Variants in ZNF705A observed in about 807,000 individuals in gnomAD.
The protein encoded by ZNF705A is zinc finger protein 705A.
In ZNF705A, 8 loss-of-function variants were observed where a neutral mutation model predicts 16.6. The observed-to-expected ratio is 0.48, with a 90% CI of 0.28 to 0.87. The LOEUF (loss-of-function observed/expected upper bound fraction) is 0.87. Among genes scored for constraint, ZNF705A ranks in the 40% least tolerant of loss-of-function variants. The pLI is 0.10. For missense variants in ZNF705A, 233 were observed against 359.9 expected (o/e 0.65, Z 2.85); for synonymous variants, 73 against 117.3 (o/e 0.62, Z 2.44).
intron 1 of ZNF705A, among the ~76,000 whole-genome samples, chr12:8,161,264 CT>C (rs1229493383): frequency 6.6e-6 from 1 of 151,924 alleles, no homozygotes; most frequent in Non-Finnish European, 1.5e-5. Context: ...CTGTAGTTTT[CT>C]TTTTTGGTTA....
chr12:8,176,074 A>G, intron 4 of ZNF705A, 132 bp downstream of exon 5: 1 of 1,390,244 alleles, frequency 7.2e-7, no homozygotes, highest in South Asian at 1.3e-5. Flanking sequence ...AAAAAATTGA[A>G]TACTTTGAAT....
upstream of ZNF705A, among the ~76,000 whole-genome samples, chr12:8,169,147 T>C (rs1055741186): frequency 1.3e-5 from 2 of 152,260 alleles, no homozygotes; most frequent in African/African-American, 4.8e-5. Context: ...TTCCTTTTTT[T>C]AAAATGTGAG....
At chr12:8,161,775 TTA>T (rs1290239024) in intron 1 of ZNF705A, among the ~76,000 whole-genome samples, 2 of 152,178 alleles carry the variant, frequency 1.3e-5, no homozygotes, top group African/African-American at 4.8e-5. Flanking sequence ...TTAGGAGTAC[TTA>T]CCCAAAAGCA....
upstream of ZNF705A, among the ~76,000 whole-genome samples, chr12:8,172,032 C>A (rs1355945400): frequency 1.3e-5 from 2 of 152,156 alleles, no homozygotes; most frequent in Non-Finnish European, 2.9e-5. Context: ...CCGCCACACT[C>A]GACCCTAAAA....
At chr12:8,174,473 G>A (rs778399887) in intron 2 of ZNF705A, 21 bp downstream of exon 3, 30 of 1,592,088 alleles carry the variant, frequency 1.9e-5, no homozygotes, top group South Asian at 6.6e-5. Context: ...CAACATTCAC[G>A]TACATATGTA....
upstream of ZNF705A, among the ~76,000 whole-genome samples, chr12:8,172,241 G>A (rs966294576): frequency 4.0e-5 from 6 of 151,482 alleles, no homozygotes; most frequent in Non-Finnish European, 8.8e-5. Context: ...CATGTGGATG[G>A]AGTCAGGGAT....
chr12:8,162,936 T>C (rs1565413537), intron 1 of ZNF705A, among the ~76,000 whole-genome samples: 1 of 152,194 alleles, frequency 6.6e-6, no homozygotes, highest in African/African-American at 2.4e-5. Context: ...AGTGAATGTA[T>C]ATTTGCCTCA....
exon 5 of ZNF705A, chr12:8,177,262 C>T: frequency 1.9e-6 from 3 of 1,611,766 alleles, no homozygotes; most frequent in Non-Finnish European, 2.5e-6. Flanking sequence ...AGATGACTCA[C>T]ACTGGAGAGA....
chr12:8,166,911 C>T (rs1413336861), intron 1 of ZNF705A, among the ~76,000 whole-genome samples: 3 of 152,128 alleles, frequency 2.0e-5, no homozygotes, highest in Non-Finnish European at 2.9e-5. Context: ...TCTGAAATGT[C>T]TTTGAGGCCC....
rs1948487423 is a variant in ZNF705A at position 8,176,861 on chromosome 12, C to T, written c.319-138C>T. On this transcript the variant is annotated intron_variant, in intron 4 of 4. Coordinates refer to ENST00000359286, the Ensembl canonical transcript of ZNF705A. ...AGTTTGGGGTCCCAAAATTTAATTT[C>T]CTTTCACACAAGAAACATTGGAAAG... The T allele has an allele frequency of 1.8e-5, 24 of 1,351,010 alleles. No homozygotes were observed. In the South Asian group the frequency reaches 3.0e-4, roughly 17 times the overall value. The allele number at this position is 1,351,010 out of a possible 1,614,324, so 83.7% of individuals were successfully genotyped here. A position where few individuals can be genotyped will look rare whatever the true frequency, so the allele number is the denominator to read the frequency against.
At chr12:8,168,604 A>T (rs182914179), upstream of ZNF705A, among the ~76,000 whole-genome samples, 5 of 152,366 alleles carry the variant, frequency 3.3e-5, no homozygotes, top group East Asian at 9.6e-4. Flanking sequence ...TAAATTAATT[A>T]TAATTAAATA....
chr12:8,163,584 A>G (rs1160215930), intron 1 of ZNF705A, among the ~76,000 whole-genome samples: 1 of 152,226 alleles, frequency 6.6e-6, no homozygotes, highest in African/African-American at 2.4e-5. Flanking sequence ...TTTCCTACTC[A>G]TAAAGGAGCA....
At chr12:8,170,889 T>C (rs1017660576), upstream of ZNF705A, among the ~76,000 whole-genome samples, 22 of 152,186 alleles carry the variant, frequency 1.4e-4, 1 homozygote, top group Admixed American at 1.2e-3. Flanking sequence ...GTGCATTAAA[T>C]GTGGCAGTAA....
intron 1 of ZNF705A, among the ~76,000 whole-genome samples, chr12:8,173,770 G>A (rs937777217): frequency 3.3e-5 from 5 of 152,174 alleles, no homozygotes; most frequent in Non-Finnish European, 7.4e-5. Flanking sequence ...AATGAATAAG[G>A]GATCAATGAC....
chr12:8,163,864 A>T (rs1948377603), intron 1 of ZNF705A, among the ~76,000 whole-genome samples: 1 of 152,178 alleles, frequency 6.6e-6, no homozygotes, highest in South Asian at 2.1e-4. Flanking sequence ...ACAAGGGAAC[A>T]TCTACCCCTC....
intron 1 of ZNF705A, among the ~76,000 whole-genome samples, chr12:8,158,702 TAAATATGCC>T (rs1948328466): frequency 6.6e-6 from 1 of 152,192 alleles, no homozygotes; most frequent in Admixed American, 6.6e-5. Context: ...TGTATCTTTA[TAAATATGCC>T]AAACATCTGA....
chr12:8,168,320 G>A (rs1202063754), upstream of ZNF705A, among the ~76,000 whole-genome samples: 11 of 152,304 alleles, frequency 7.2e-5, no homozygotes, highest in East Asian at 1.7e-3. Context: ...CTAGTGGGTA[G>A]GGGAAGAGCC....
chr12:8,167,929 G>A (rs1010073436), upstream of ZNF705A, among the ~76,000 whole-genome samples: 1 of 152,244 alleles, frequency 6.6e-6, no homozygotes, highest in African/African-American at 2.4e-5. Flanking sequence ...AGAAAGAAAA[G>A]AGAAGAGGCT....
Position 8,166,572 on chromosome 12 carries a change from A to G in ZNF705A, c.-71-5983A>G, listed in dbSNP as rs1432667541. Among the ~76,000 whole-genome samples, 159 of 152,176 alleles carry G rather than the reference A, an allele frequency of 1.0e-3. 1 individual carries two copies. The highest frequency in any genetic ancestry group is 4.0e-4 in the Non-Finnish European group (27 of 67,980). On this transcript the variant is annotated intron_variant, in intron 1 of 5. Coordinates refer to the ZNF705A transcript ENST00000396570. ...GCCTTTTGCCTTCTGCCTCCCCCCA[A>G]CCATGTGGAACTGTAAGTCCAATTA...
Sources: allele counts gnomAD v4.1 joint callset (sites outside exome capture counted in the v4.1 genomes callset), GRCh38; gene constraint gnomAD v4.1.1; transcripts MANE v1.5; gene names NCBI Gene and HGNC (gene_info 2026-07-23, HGNC 2026-07-21).